The following NEBL variants were observed in gnomAD, a reference collection of about 807,000 sequenced individuals.
NEBL encodes the protein nebulette.
In NEBL, 122 loss-of-function variants were observed where a neutral mutation model predicts 140.2. The ratio of observed to expected loss-of-function variants is 0.87; its 90% CI spans 0.75 to 1.01. The LOEUF is 1.01. NEBL is among the 50% of genes least tolerant of loss of function. The pLI is 0.00. For missense variants in NEBL, 1,365 were observed against 1,231.3 expected (o/e 1.11, Z -1.62); for synonymous variants, 436 against 398.9 (o/e 1.09, Z -1.11).
At chr10:20,851,675 C>T (rs970073508) in intron 10 of NEBL, among the ~76,000 whole-genome samples, 1 of 151,112 alleles carries the variant, frequency 6.6e-6, no homozygotes, top group Non-Finnish European at 1.5e-5. Flanking sequence ...ATCTCTGCTA[C>T]TCGGGAGGCT....
chr10:21,055,907 G>A (rs1835001989), intron 2 of NEBL, among the ~76,000 whole-genome samples: 1 of 152,198 alleles, frequency 6.6e-6, no homozygotes, highest in Non-Finnish European at 1.5e-5. Flanking sequence ...ATTAAAATCA[G>A]CCAGAGTATC....
At chr10:21,054,623 T>C (rs978319210) in intron 2 of NEBL, among the ~76,000 whole-genome samples, 3 of 152,238 alleles carry the variant, frequency 2.0e-5, no homozygotes, top group African/African-American at 7.2e-5. Flanking sequence ...GTAAATTCTC[T>C]TGGATACAGA....
chr10:21,158,610 A>G (rs1256377153), intron 2 of NEBL, among the ~76,000 whole-genome samples: 1 of 152,130 alleles, frequency 6.6e-6, no homozygotes, highest in African/African-American at 2.4e-5. Context: ...GCTAAGGGAC[A>G]TGATTCCAGT....
intron 3 of NEBL, among the ~76,000 whole-genome samples, chr10:21,001,071 T>C (rs190493236): frequency 5.2e-4 from 79 of 152,208 alleles, no homozygotes; most frequent in Non-Finnish European, 1.0e-3. Context: ...TGAGCTTGTA[T>C]AGATCCTCCC....
intron 2 of NEBL, among the ~76,000 whole-genome samples, chr10:21,130,368 A>G (rs535739664): frequency 3.9e-5 from 6 of 152,286 alleles, no homozygotes; most frequent in South Asian, 2.1e-4. Context: ...CAGCAAGGAC[A>G]TAGTTGAATT....
At chr10:20,945,696 C>A (rs1270231578) in intron 4 of NEBL, among the ~76,000 whole-genome samples, 1 of 152,142 alleles carries the variant, frequency 6.6e-6, no homozygotes, top group East Asian at 1.9e-4. Context: ...CGTTTAAGAA[C>A]ACACTAGCTT....
rs766989704 is a variant in NEBL, at chr10:20,850,518, A to G, written c.1009-16T>C. 6.6e-7 allele frequency: 1 copy of G among 1,511,244 alleles called. No homozygotes were observed. The highest frequency in any genetic ancestry group is 1.4e-5 in the African/African-American group (1 of 72,814). The allele number at this position is 1,511,244 out of a possible 1,614,324, so 93.6% of individuals were successfully genotyped here. On this transcript the variant is annotated splice_polypyrimidine_tract_variant and intron_variant, in intron 10 of 27. Coordinates refer to ENST00000377122, the MANE Select transcript of NEBL (RefSeq NM_006393.3). ...TATATTTCACCTTCATTGGAAAAAG[A>G]AAAGCATATACAAATCGAAAGTCCT...
chr10:20,803,548 G>C (rs553886329), intron 26 of NEBL, among the ~76,000 whole-genome samples: 3 of 151,758 alleles, frequency 2.0e-5, no homozygotes, highest in Non-Finnish European at 4.4e-5. Context: ...GAAAAATAGC[G>C]TTTCTAAATA....
At chr10:20,912,868 T>G (rs1038309949) in intron 4 of NEBL, among the ~76,000 whole-genome samples, 4 of 150,944 alleles carry the variant, frequency 2.6e-5, no homozygotes, top group Non-Finnish European at 1.5e-5. Flanking sequence ...ATGGGGGCCA[T>G]AGTATGCCAA....
intron 2 of NEBL, among the ~76,000 whole-genome samples, chr10:21,105,357 C>G (rs1037830118): frequency 1.3e-5 from 2 of 152,022 alleles, no homozygotes; most frequent in African/African-American, 2.4e-5. Context: ...CCCCGACAGG[C>G]CCCAGTGTGT....
At chr10:20,994,865 G>C (rs964278296) in intron 3 of NEBL, among the ~76,000 whole-genome samples, 4 of 151,588 alleles carry the variant, frequency 2.6e-5, no homozygotes, top group Non-Finnish European at 5.9e-5. Context: ...TGTTGAGTGG[G>C]CTGAGGAGGA....
At chr10:21,209,637 A>G (rs1841883940) in intron 3 of NEBL, among the ~76,000 whole-genome samples, 1 of 147,096 alleles carries the variant, frequency 6.8e-6, no homozygotes, top group South Asian at 2.2e-4. Flanking sequence ...TGATACAATT[A>G]GGCACCTGAC....
intron 3 of NEBL, among the ~76,000 whole-genome samples, chr10:21,008,168 G>A (rs1435455261): frequency 1.3e-5 from 2 of 152,056 alleles, no homozygotes; most frequent in East Asian, 3.9e-4. Flanking sequence ...TCATACAAAT[G>A]TATGTAAAAA....
chr10:21,240,970 AC>A (rs1842431530), intron 3 of NEBL, among the ~76,000 whole-genome samples: 1 of 150,910 alleles, frequency 6.6e-6, no homozygotes, highest in East Asian at 2.0e-4. Context: ...ACTGTCTACA[AC>A]TTTTGGCATG....
At chr10:21,143,985 G>T (rs541706608) in intron 2 of NEBL, among the ~76,000 whole-genome samples, 2 of 152,140 alleles carry the variant, frequency 1.3e-5, no homozygotes, top group Non-Finnish European at 2.9e-5. Context: ...ATGATTATTC[G>T]AATAAGATAC....
chr10:20,898,272 G>T (rs756000437), upstream of NEBL, among the ~76,000 whole-genome samples: 31 of 151,938 alleles, frequency 2.0e-4, no homozygotes, highest in Non-Finnish European at 3.7e-4. Context: ...AAATCCTAGG[G>T]TAAATTAATT....
At chr10:21,117,968 CTG>C (rs1443762556) in intron 2 of NEBL, among the ~76,000 whole-genome samples, 1 of 152,042 alleles carries the variant, frequency 6.6e-6, no homozygotes, top group Admixed American at 6.6e-5. Flanking sequence ...TGAGGTTTAA[CTG>C]AGAAAATACA....
At chr10:20,802,462 A>G (rs1837209934) in intron 26 of NEBL, among the ~76,000 whole-genome samples, 1 of 152,256 alleles carries the variant, frequency 6.6e-6, no homozygotes, top group African/African-American at 2.4e-5. Flanking sequence ...GTAACACAGT[A>G]GAGATGTAAA....
At chr10:21,150,624 G>A (rs566305366) in intron 2 of NEBL, among the ~76,000 whole-genome samples, 8 of 152,294 alleles carry the variant, frequency 5.3e-5, no homozygotes, top group Non-Finnish European at 1.2e-4. Flanking sequence ...TATTATCTGT[G>A]TAAATCCATT....
Sources: allele counts gnomAD v4.1 joint callset (sites outside exome capture counted in the v4.1 genomes callset), GRCh38; gene constraint gnomAD v4.1.1; transcripts MANE v1.5; gene names NCBI Gene and HGNC (gene_info 2026-07-23, HGNC 2026-07-21).